The following AGL variants were observed in gnomAD, a reference collection of about 807,000 sequenced individuals.
AGL encodes the protein glycogen debranching enzyme.
AGL carries 128 observed loss-of-function variants against 199.3 expected under a neutral mutation model. That is an observed-to-expected ratio of 0.64 (90% CI 0.56 to 0.74). The LOEUF is 0.74. AGL is among the 30% of genes least tolerant of loss of function. The pLI, the probability that AGL is intolerant of heterozygous loss-of-function variation, is 0.00. For missense variants in AGL, 1,809 were observed against 1,820.8 expected (o/e 0.99, Z 0.12); for synonymous variants, 584 against 594.7 (o/e 0.98, Z 0.26).
chr1:99,920,529 G>A (rs563512228), intron 33 of AGL, among the ~76,000 whole-genome samples: 3 of 152,206 alleles, frequency 2.0e-5, no homozygotes, highest in South Asian at 4.1e-4. Flanking sequence ...CAGTCATTTG[G>A]CATTTTACTC....
chr1:99,898,560 A>T (rs1296252734), intron 25 of AGL, among the ~76,000 whole-genome samples: 1 of 152,160 alleles, frequency 6.6e-6, no homozygotes. Flanking sequence ...TAAATTATAA[A>T]CACTTAAAAT....
intron 29 of AGL, 79 bp downstream of exon 29, chr1:99,912,596 C>A: frequency 1.9e-6 from 2 of 1,038,138 alleles, no homozygotes; most frequent in South Asian, 1.4e-5. Flanking sequence ...TCATTTGATT[C>A]TATCAGCTAA....
chr1:99,852,692 A>G, intron 2 of AGL: 1 of 780,432 alleles, frequency 1.3e-6, no homozygotes. Flanking sequence ...CTGAGCATTA[A>G]TTTATTTATT....
At chr1:99,867,188 ACT>A (rs1650589199) in intron 5 of AGL, among the ~76,000 whole-genome samples, 1 of 152,150 alleles carries the variant, frequency 6.6e-6, no homozygotes, top group Non-Finnish European at 1.5e-5. Flanking sequence ...GGCTTCACAC[ACT>A]CTTTACGTAG....
At chr1:99,910,934 A>G in intron 28 of AGL, 87 bp downstream of exon 28, 1 of 1,399,964 alleles carries the variant, frequency 7.1e-7, no homozygotes. Flanking sequence ...TTAACTATGA[A>G]CTCTTTACAT....
At chr1:99,884,505 A>C (rs774643272) in intron 19 of AGL, 54 bp downstream of exon 19, 23 of 1,602,024 alleles carry the variant, frequency 1.4e-5, no homozygotes, top group Non-Finnish European at 1.7e-5. Context: ...AATAGTTTGC[A>C]TATCCTGTTA....
intron 29 of AGL, among the ~76,000 whole-genome samples, chr1:99,913,276 C>A (rs1654881868): frequency 6.6e-6 from 1 of 151,630 alleles, no homozygotes; most frequent in African/African-American, 2.4e-5. Context: ...GATATTGTTT[C>A]AACATGTAAT....
chr1:99,862,473 A>C, intron 4 of AGL, 50 bp downstream of exon 4: 1 of 1,588,326 alleles, frequency 6.3e-7, no homozygotes, highest in South Asian at 1.1e-5. Flanking sequence ...AAATGTAATT[A>C]TCCTCTGTGA....
At chr1:99,855,383 C>T (rs994548317) in intron 2 of AGL, among the ~76,000 whole-genome samples, 4 of 152,116 alleles carry the variant, frequency 2.6e-5, no homozygotes, top group Admixed American at 1.3e-4. Context: ...AATTCCTCCT[C>T]GTTTTTAAGA....
chr1:99,921,168 T>C (rs902392955), intron 33 of AGL, among the ~76,000 whole-genome samples: 1 of 151,996 alleles, frequency 6.6e-6, no homozygotes, highest in Non-Finnish European at 1.5e-5. Context: ...ACTTTTACTT[T>C]TACAGTTTTA....
rs146291089 is a variant in AGL, at chr1:99,861,117, A to G, written c.83-386A>G. ...TAGAGAAACTAGCTTTCTCTGTTGC[A>G]GTTAGAAAAATACTAGAGAAGGTCT... On this transcript the variant is annotated intron_variant, in intron 2 of 33. Coordinates refer to ENST00000361915, the MANE Select transcript of AGL (RefSeq NM_000642.3). The G allele has an allele frequency of 0.015, 14,259 of 974,444 alleles. 129 individuals carry two copies. The highest frequency in any genetic ancestry group is 0.043 in the Middle Eastern group (93 of 2,174). 60.4% of individuals were successfully genotyped at this position (974,444 alleles called of 1,614,324 possible). A position where few individuals can be genotyped will look rare whatever the true frequency, so the allele number is the denominator to read the frequency against.
chr1:99,888,558 T>A (rs1156548146), intron 21 of AGL, among the ~76,000 whole-genome samples: 1 of 152,194 alleles, frequency 6.6e-6, no homozygotes, highest in Non-Finnish European at 1.5e-5. Context: ...GTAAATATAA[T>A]CCATTCACCT....
chr1:99,876,994 G>A (rs1446666663), intron 11 of AGL, among the ~76,000 whole-genome samples: 1 of 152,102 alleles, frequency 6.6e-6, no homozygotes, highest in Non-Finnish European at 1.5e-5. Context: ...AATTTCAGTG[G>A]CAATTAAACC....
At chr1:99,862,587 C>T (rs979544906) in intron 4 of AGL, among the ~76,000 whole-genome samples, 164 bp downstream of exon 4, 15 of 152,098 alleles carry the variant, frequency 9.9e-5, no homozygotes, top group South Asian at 2.1e-4. Context: ...CTCACAGTTC[C>T]GCAGGCTATA....
intron 16 of AGL, 34 bp downstream of exon 16, chr1:99,881,481 A>G: frequency 6.2e-7 from 1 of 1,614,062 alleles, no homozygotes; most frequent in Admixed American, 1.7e-5. Flanking sequence ...CTTCAGGTTC[A>G]ATTTCAGAGT....
At chr1:99,869,821 A>C (rs1650833727) in intron 5 of AGL, among the ~76,000 whole-genome samples, 1 of 152,200 alleles carries the variant, frequency 6.6e-6, no homozygotes, top group Admixed American at 6.5e-5. Flanking sequence ...AATTAAAACA[A>C]ATTATCTGTT....
In AGL at chr1:99,864,475, G is replaced by C. The variant is rs987143206; in HGVS notation, c.550G>C (p.Asp184His). ...SLANQLELNP[D>H]FSRPNRKYTW... ...TGCCAATCAGTTAGAATTAAATCCT[G>C]ACTTTTCAAGACCTAATAGAAAGTA... The change falls in exon 5 of 34, where the codon GAC becomes CAC. Residue 184 changes from aspartate to histidine, a missense_variant. Transcript: ENST00000361915. The C allele has an allele frequency of 6.2e-7, 1 of 1,613,646 alleles. No homozygotes were observed.
At position 99,870,501 on chromosome 1, in the gene AGL, C is replaced by G; in HGVS notation, c.766C>G (p.Arg256Gly). The G allele has an allele frequency of 6.2e-7, 1 of 1,613,910 alleles. No individual in the cohort carries two copies. Among genetic ancestry groups the G allele is most frequent in the African/African-American group, 1.3e-5 (1 of 75,010 alleles). The part of the protein sequence containing the change: ...PAWVLDRALW[R>G]FSCDVAEGKY... ...CTGGGTCTTAGACAGAGCACTTTGG[C>G]GTTTCTCCTGTGATGTTGCAGAAGG... is the stretch of plus-strand genomic sequence containing the variant. Residue 256 changes from arginine (R) to glycine (G), a missense_variant, in exon 6 of 34, where the codon CGT becomes GGT. Physicochemically the swap from Arg to Gly is moderately radical, Grantham distance 125. Transcript: ENST00000361915.
rs765379416 is a variant in AGL at position 99,884,360 on chromosome 1, A to G, written c.2455A>G (p.Lys819Glu). 4 of 1,613,446 alleles carry G rather than the reference A, an allele frequency of 2.5e-6. No individual in the cohort carries two copies. In the Admixed American group the frequency reaches 5.0e-5, roughly 20 times the overall value. ...CAAGCTTAATGAAAGTAAAATTGTTAAACAAGCTGGAGTTGCCACAAAAGG... is the reference window on the plus strand; with the variant it reads ...CAAGCTTAATGAAAGTAAAATTGTTGAACAAGCTGGAGTTGCCACAAAAGG... ...HIQLNESKIV[K>E]QAGVATKGPN... Residue 819 changes from lysine (K) to glutamate (E), a missense_variant, in exon 19 of 34, where the codon AAA becomes GAA. By Grantham distance (56) the Lys-to-Glu change is moderately conservative (BLOSUM62 1). Coordinates refer to ENST00000361915, the MANE Select transcript of AGL (RefSeq NM_000642.3).
Sources: gnomAD v4.1 joint callset for allele counts (sites outside exome capture counted in the v4.1 genomes callset) on GRCh38, gnomAD v4.1.1 for gene constraint, MANE v1.5 for transcripts, NCBI Gene and HGNC (gene_info 2026-07-23, HGNC 2026-07-21) for gene names.